The following MYO1B variants were observed in gnomAD, a reference collection of about 807,000 sequenced individuals.
The protein encoded by MYO1B is myosin IB.
Under a neutral mutation model 159.7 loss-of-function variants are expected in MYO1B, and 72 were observed. The observed-to-expected ratio is 0.45, with a 90% confidence interval of 0.37 to 0.55. MYO1B has a LOEUF of 0.55. Among genes scored for constraint, MYO1B ranks in the 20% least tolerant of loss-of-function variants. MYO1B has a pLI of 0.00. For missense variants in MYO1B, 1,062 were observed against 1,364.8 expected, an observed-to-expected ratio of 0.78 and a Z score of 3.50; for synonymous variants, 468 against 473.8, an observed-to-expected ratio of 0.99 and a Z score of 0.16.
intron 19 of MYO1B, 73 bp from the exon 20 acceptor site, chr2:191,393,000 C>T: frequency 7.1e-7 from 1 of 1,399,968 alleles, no homozygotes; most frequent in Non-Finnish European, 9.8e-7. Context: ...ATTTTGTCTC[C>T]TGAAAATTCC....
chr2:191,267,418 C>T (rs899573965), intron 1 of MYO1B, among the ~76,000 whole-genome samples: 4 of 152,200 alleles, frequency 2.6e-5, no homozygotes, highest in African/African-American at 9.6e-5. Flanking sequence ...TTCCATTAGA[C>T]ATTTTCAGCA....
At chr2:191,369,673 CACAGTATAA>C in intron 12 of MYO1B, 45 bp downstream of exon 12, 1 of 1,420,488 alleles carries the variant, frequency 7.0e-7, no homozygotes, top group Non-Finnish European at 9.9e-7. Context: ...AAATGGTATT[CACAGTATAA>C]ACATTAAGTT....
chr2:191,346,993 T>A (rs1246631241), intron 6 of MYO1B, among the ~76,000 whole-genome samples: 1 of 152,202 alleles, frequency 6.6e-6, no homozygotes, highest in Non-Finnish European at 1.5e-5. Context: ...GCAGGAAATA[T>A]TGAGTCTGAT....
chr2:191,286,101 G>A (rs1020480005), intron 2 of MYO1B, among the ~76,000 whole-genome samples: 1 of 152,098 alleles, frequency 6.6e-6, no homozygotes, highest in Admixed American at 6.5e-5. Flanking sequence ...CTATTCCCCT[G>A]TAAAATTAGG....
chr2:191,275,134 G>A (rs1028862962), intron 1 of MYO1B, among the ~76,000 whole-genome samples: 1 of 152,044 alleles, frequency 6.6e-6, no homozygotes. Context: ...TTGAACTCCT[G>A]ACCTCATGAT....
intron 1 of MYO1B, among the ~76,000 whole-genome samples, chr2:191,252,216 C>G (rs1402245416): frequency 1.3e-5 from 2 of 152,174 alleles, no homozygotes; most frequent in African/African-American, 4.8e-5. Flanking sequence ...TGAGCTACCC[C>G]TGATATAGTG....
intron 1 of MYO1B, among the ~76,000 whole-genome samples, chr2:191,254,252 G>A (rs747933781): frequency 1.1e-4 from 16 of 151,860 alleles, no homozygotes; most frequent in Non-Finnish European, 1.5e-4. Context: ...CGCTCTTGCT[G>A]CCCAGGCTGG....
At chr2:191,298,625 C>T (rs1689123496) in intron 3 of MYO1B, among the ~76,000 whole-genome samples, 1 of 152,136 alleles carries the variant, frequency 6.6e-6, no homozygotes, top group Admixed American at 6.5e-5. Context: ...TCTTTCCTTT[C>T]TTAACTACTT....
At chr2:191,352,760 T>C (rs1490735328) in intron 7 of MYO1B, among the ~76,000 whole-genome samples, 1 of 152,210 alleles carries the variant, frequency 6.6e-6, no homozygotes, top group Non-Finnish European at 1.5e-5. Context: ...AATTTCATCC[T>C]GTATAGAGAA....
intron 3 of MYO1B, 76 bp from the exon 4 acceptor site, chr2:191,329,859 G>C (rs761996699): frequency 9.0e-6 from 11 of 1,227,364 alleles, no homozygotes; most frequent in Non-Finnish European, 1.3e-5. Flanking sequence ...GCCCTTTAAG[G>C]AGCTTGTAGT....
intron 1 of MYO1B, chr2:191,246,336 T>C (rs1019426058): frequency 1.3e-5 from 2 of 151,560 alleles, no homozygotes; most frequent in African/African-American, 4.9e-5. Flanking sequence ...GGGGAGAGGG[T>C]TGGGAGAGGG....
chr2:191,257,992 T>C (rs1840377), intron 1 of MYO1B, among the ~76,000 whole-genome samples: 82,229 of 152,132 alleles, frequency 0.54, 25,769 homozygotes, highest in Non-Finnish European at 0.68. Context: ...AAAATGTGTA[T>C]ACCTAGACTT....
chr2:191,418,704 G>C (rs367755804), intron 30 of MYO1B, among the ~76,000 whole-genome samples: 1 of 152,058 alleles, frequency 6.6e-6, no homozygotes, highest in Admixed American at 6.6e-5. Context: ...GGTCAGGCTG[G>C]TCTCGAACTC....
chr2:191,377,196 G>A (rs371167592), intron 13 of MYO1B, among the ~76,000 whole-genome samples: 3 of 152,188 alleles, frequency 2.0e-5, no homozygotes, highest in Non-Finnish European at 2.9e-5. Context: ...AAATAGCAGA[G>A]AACAGACACC....
intron 3 of MYO1B, among the ~76,000 whole-genome samples, chr2:191,318,918 A>G (rs1366448557): frequency 2.0e-5 from 3 of 152,110 alleles, no homozygotes; most frequent in African/African-American, 7.2e-5. Flanking sequence ...AGCTTAAAGC[A>G]TGGCTGTTTA....
intron 3 of MYO1B, among the ~76,000 whole-genome samples, chr2:191,314,688 G>A (rs900748002): frequency 6.6e-6 from 1 of 152,148 alleles, no homozygotes; most frequent in Non-Finnish European, 1.5e-5. Context: ...TTAAAGTTGT[G>A]TTTAAGGACA....
At chr2:191,294,691 TG>T (rs66474283) in intron 2 of MYO1B, among the ~76,000 whole-genome samples, 13,437 of 152,144 alleles carry the variant, frequency 0.088, 1,936 homozygotes, top group African/African-American at 0.31. Context: ...AAAAATTGCA[TG>T]GGAACTGAGA....
chr2:191,339,773 T>C (rs1267238498), intron 4 of MYO1B, among the ~76,000 whole-genome samples: 1 of 152,214 alleles, frequency 6.6e-6, no homozygotes, highest in Non-Finnish European at 1.5e-5. Context: ...ACTTGAGAGC[T>C]TTATGTGACC....
In MYO1B at chr2:191,414,662, TCAAAGAGGTAAAGG is replaced by T; in HGVS notation, c.3153_3159+7del. The stretch of plus-strand genomic sequence containing the variant: ...AATGATGGCTTCTTCGCCGTCCACC[TCAAAGAGGTAAAGG>T]TTCAACAGAAGATTTCTGTGCTTAA... On this transcript the variant is annotated splice_donor_variant and splice_donor_5th_base_variant and coding_sequence_variant and intron_variant, in exon 29 of 31. Coordinates refer to ENST00000392318, the MANE Select transcript of MYO1B (RefSeq NM_001130158.3). LOFTEE classifies it high-confidence loss of function. The T allele has an allele frequency of 6.2e-7, 1 of 1,609,340 alleles. No individual in the cohort carries two copies. Among genetic ancestry groups the T allele is most frequent in the Non-Finnish European group, 8.5e-7 (1 of 1,178,594 alleles).
Sources: allele counts gnomAD v4.1 joint callset (sites outside exome capture counted in the v4.1 genomes callset), GRCh38; gene constraint gnomAD v4.1.1; transcripts MANE v1.5; gene names NCBI Gene and HGNC (gene_info 2026-07-23, HGNC 2026-07-21).